Variants in PTPRB observed in about 807,000 individuals in gnomAD.
PTPRB encodes the protein receptor-type tyrosine-protein phosphatase beta.
PTPRB carries 97 observed loss-of-function variants against 238.1 expected under a neutral mutation model. That is an observed-to-expected ratio of 0.41 (90% CI 0.35 to 0.48). PTPRB has a LOEUF of 0.48. PTPRB is among the 20% of genes least tolerant of loss of function. PTPRB has a pLI of 0.30. For synonymous variants in PTPRB, 970 were observed against 995.4 expected (o/e 0.97, Z 0.48); for missense variants, 2,292 against 2,681.9 (o/e 0.85, Z 3.21).
intron 2 of PTPRB, among the ~76,000 whole-genome samples, chr12:70,628,667 G>T (rs1885311352): frequency 6.6e-6 from 1 of 152,206 alleles, no homozygotes; most frequent in Non-Finnish European, 1.5e-5. Context: ...CAATAACTGG[G>T]TCACTGTAAG....
chr12:70,608,880 T>G, intron 4 of PTPRB, 189 bp downstream of exon 4: 6 of 796,092 alleles, frequency 7.5e-6, no homozygotes, highest in Non-Finnish European at 9.6e-6. Flanking sequence ...ACTAAGGGAG[T>G]CTCTGAAAGT....
At chr12:70,623,624 A>G (rs17814404) in intron 2 of PTPRB, among the ~76,000 whole-genome samples, 18,715 of 152,224 alleles carry the variant, frequency 0.12, 1,337 homozygotes, top group Non-Finnish European at 0.16. Flanking sequence ...ATAGTGCACT[A>G]GAGTTTTATG....
At chr12:70,522,996 G>T (rs1280082521) in intron 33 of PTPRB, among the ~76,000 whole-genome samples, 2 of 150,928 alleles carry the variant, frequency 1.3e-5, no homozygotes, top group African/African-American at 4.9e-5. Flanking sequence ...CCAAGTAGCT[G>T]GAACTACAGG....
Position 70,590,014 on chromosome 12 carries a change from A to T in PTPRB, c.2000T>A (p.Ile667Asn). The T allele has an allele frequency of 3.1e-6, 5 of 1,613,960 alleles. No homozygotes were observed. The highest frequency in any genetic ancestry group is 4.2e-6 in the Non-Finnish European group (5 of 1,179,874). ...ATTCTTCAAATTTCCACTCTCAACA[A>T]TGACTTCCACCTCATACTGTCTTCC... ...VPGRQYEVEV[I>N]VESGNLKNSE... Residue 667 changes from isoleucine to asparagine, a missense_variant, in exon 8 of 34, where the codon ATT (isoleucine) becomes AAT (asparagine). Around this residue, in one of 4 missense-constraint regions of PTPRB, gnomAD observed 1,205 missense variants for 1,287.8 expected, o/e 0.94. Coordinates refer to ENST00000334414, the MANE Select transcript of PTPRB (RefSeq NM_001109754.4).
intron 4 of PTPRB, among the ~76,000 whole-genome samples, chr12:70,605,426 A>G (rs1883867249): frequency 6.6e-6 from 1 of 152,156 alleles, no homozygotes; most frequent in Admixed American, 6.5e-5. Flanking sequence ...CCATCTATCC[A>G]TCCATTTAAT....
intron 23 of PTPRB, 124 bp from the exon 24 acceptor site, chr12:70,540,146 G>T: frequency 2.7e-6 from 2 of 747,392 alleles, no homozygotes; most frequent in Non-Finnish European, 4.3e-6. Context: ...ATACAGATTT[G>T]CACTCAGCCA....
At chr12:70,576,668 G>GGGGT (rs1880765888) in intron 10 of PTPRB, 23 bp from the exon 11 acceptor site, 1 of 284,856 alleles carries the variant, frequency 3.5e-6, no homozygotes, top group African/African-American at 3.6e-5. Flanking sequence ...AAGGTGGGGG[G>GGGGT]CGGGGGGGGG....
chr12:70,579,147 G>A (rs1881099841), intron 10 of PTPRB, among the ~76,000 whole-genome samples: 1 of 152,288 alleles, frequency 6.6e-6, no homozygotes, highest in East Asian at 1.9e-4. Context: ...GGAAATGAAT[G>A]CAAGGTCGTC....
chr12:70,534,387 TCCTC>T, intron 31 of PTPRB, 97 bp downstream of exon 31: 1 of 1,373,054 alleles, frequency 7.3e-7, no homozygotes, highest in South Asian at 1.4e-5. Flanking sequence ...TCCAGACAAA[TCCTC>T]CACCCACCAA....
intron 22 of PTPRB, chr12:70,541,186 T>C: frequency 2.3e-6 from 1 of 426,016 alleles, no homozygotes; most frequent in Non-Finnish European, 4.2e-6. Flanking sequence ...CACTGCATAC[T>C]TTTGAAGTTA....
rs896252651 is a variant in PTPRB at position 70,516,437 on chromosome 12, C to T, written c.*5052G>A. 6 of 152,230 alleles carry T rather than the reference C, an allele frequency of 3.9e-5. No individual in the cohort carries two copies. Among genetic ancestry groups the T allele is most frequent in the Non-Finnish European group, 8.8e-5 (6 of 68,048 alleles). 9.4% of individuals were successfully genotyped at this position (152,230 alleles called of 1,614,324 possible). On this transcript the variant is annotated 3_prime_UTR_variant, in exon 34 of 34. Coordinates refer to ENST00000334414, the MANE Select transcript of PTPRB (RefSeq NM_001109754.4). ...CCAGAAATACTCTTCCAGTAGAGCA[C>T]TGGTGCACCCTCTTGTCAGTGTGGC... is the stretch of plus-strand genomic sequence containing the variant.
intron 3 of PTPRB, among the ~76,000 whole-genome samples, chr12:70,616,789 C>T (rs1271811912): frequency 6.6e-6 from 1 of 152,168 alleles, no homozygotes; most frequent in African/African-American, 2.4e-5. Flanking sequence ...CAGAGAAATA[C>T]TGTCATGTTA....
In PTPRB at chr12:70,534,611, T is replaced by C; in HGVS notation, c.6245A>G (p.His2082Arg). The C allele has an allele frequency of 6.2e-7, 1 of 1,613,040 alleles. No individual in the cohort carries two copies. Among genetic ancestry groups the C allele is most frequent in the Non-Finnish European group, 8.5e-7 (1 of 1,179,552 alleles). ...LDAHRLIRHFHYTVWPDHGVP... is the reference protein window; with the variant it reads ...LDAHRLIRHFRYTVWPDHGVP... ...TCCATGGTCTGGCCACACCGTATAG[T>C]GAAAGTGGCGGATGAGTCTGTGTGC... The change falls in exon 31 of 34, where the codon CAC becomes CGC. Residue 2082 changes from histidine to arginine, a missense_variant. By Grantham distance (29) the His-to-Arg change is conservative. This residue lies in a region of PTPRB where 397 missense variants were observed against 502.0 expected (regional missense o/e 0.79). Transcript: ENST00000334414.
intron 16 of PTPRB, among the ~76,000 whole-genome samples, chr12:70,561,779 C>A (rs1385339980): frequency 2.0e-5 from 3 of 152,202 alleles, no homozygotes; most frequent in Non-Finnish European, 4.4e-5. Flanking sequence ...CATGACACAT[C>A]ATTTTTTTCA....
At chr12:70,625,342 C>T (rs981790103) in intron 2 of PTPRB, among the ~76,000 whole-genome samples, 4 of 152,082 alleles carry the variant, frequency 2.6e-5, no homozygotes, top group East Asian at 3.9e-4. Context: ...CTGGAAACTG[C>T]GATTTAGCAG....
At chr12:70,636,255 A>T (rs1885684488) in intron 1 of PTPRB, among the ~76,000 whole-genome samples, 189 bp from the exon 2 acceptor site, 1 of 152,044 alleles carries the variant, frequency 6.6e-6, no homozygotes, top group Admixed American at 6.6e-5. Context: ...TGACGATATA[A>T]AATGTCAATA....
rs981104311 is a variant in PTPRB, at chr12:70,572,045, C to G, written c.2885G>C (p.Arg962Thr). Reference protein sequence around the residue: ...VQGVSVSNSARSDYLRVSWVH... With the variant: ...VQGVSVSNSATSDYLRVSWVH... ...CCAGGATACCCTTAAATAGTCACTC[C>G]TGGCTGAGTTGCTAACACTGACTCC... The change falls in exon 12 of 34, where the codon AGG becomes ACG. Residue 962 changes from arginine (R) to threonine (T), a missense_variant. By Grantham distance (71) the Arg-to-Thr change is moderately conservative. Transcript: ENST00000334414. The G allele has an allele frequency of 6.2e-7, 1 of 1,613,652 alleles. No individual in the cohort carries two copies. The highest frequency in any genetic ancestry group is 1.3e-5 in the African/African-American group (1 of 75,030).
Position 70,516,405 on chromosome 12 carries a change from T to G in PTPRB, c.*5084A>C, listed in dbSNP as rs574676578. ...AATTTATAAGCCCAATAGTCCTGCA[T>G]AGAAAACCAGAAATACTCTTCCAGT... On this transcript the variant is annotated 3_prime_UTR_variant, in exon 34 of 34. Transcript: ENST00000334414. 2.6e-5 allele frequency: 4 copies of G among 152,186 alleles called. No homozygotes were observed. Among genetic ancestry groups the G allele is most frequent in the African/African-American group, 9.6e-5 (4 of 41,452 alleles). 9.4% of individuals were successfully genotyped at this position (152,186 alleles called of 1,614,324 possible). A position where few individuals can be genotyped will look rare whatever the true frequency, so the allele number is the denominator to read the frequency against.
rs1555220202 is a variant in PTPRB at position 70,524,989 on chromosome 12, G to GTGTA, written c.6505-399_6505-398insTACA. Among the ~76,000 whole-genome samples the GTGTA allele has an allele frequency of 5.4e-4, 81 of 149,530 alleles. No homozygotes were observed. The Middle Eastern group carries it at 0.018, about 33-fold the overall frequency. On this transcript the variant is annotated intron_variant, in intron 32 of 33. Transcript: ENST00000334414. The stretch of plus-strand genomic sequence containing the variant: ...TGTATATATGTGTGTGTGTGTGTGT[G>GTGTA]TATATATATATATAAAATATTCTGT...
Sources: allele counts gnomAD v4.1 joint callset (sites outside exome capture counted in the v4.1 genomes callset), GRCh38; gene constraint gnomAD v4.1.1; regional missense constraint gnomAD v4.1.1; transcripts MANE v1.5; gene names NCBI Gene and HGNC (gene_info 2026-07-23, HGNC 2026-07-21).